The following HS6ST2 variants were observed in gnomAD, a reference collection of about 807,000 sequenced individuals.
HS6ST2 encodes the protein heparan-sulfate 6-O-sulfotransferase 2.
In HS6ST2, 17 loss-of-function variants were observed where a neutral mutation model predicts 33.0. The ratio of observed to expected loss-of-function variants is 0.52; its 90% confidence interval spans 0.35 to 0.77. The LOEUF is 0.77. HS6ST2 is among the 30% of genes least tolerant of loss of function. HS6ST2 has a pLI of 0.01. For synonymous variants in HS6ST2, 248 were observed against 237.1 expected (o/e 1.05, Z -0.42); for missense variants, 519 against 551.7 (o/e 0.94, Z 0.59).
At chrX:132,844,690 C>A (rs928365403) in intron 2 of HS6ST2, among the ~76,000 whole-genome samples, 1 of 111,428 alleles carries the variant, frequency 9.0e-6, no homozygotes, top group African/African-American at 3.3e-5. Context: ...TCAACACCCA[C>A]GGACCTGATG....
intron 2 of HS6ST2, among the ~76,000 whole-genome samples, chrX:132,858,557 C>T (rs927554665): frequency 1.8e-5 from 2 of 111,238 alleles, no homozygotes; most frequent in African/African-American, 6.5e-5. Flanking sequence ...CAATCCAGCA[C>T]GGTATGTGAT....
chrX:132,636,317 T>A (rs2063550835), intron 4 of HS6ST2, among the ~76,000 whole-genome samples: 1 of 111,931 alleles, frequency 8.9e-6, no homozygotes. Flanking sequence ...ATTTTATACC[T>A]GTAATGGAGC....
At chrX:132,945,572 A>T (rs1363233969) in intron 2 of HS6ST2, among the ~76,000 whole-genome samples, 1 of 110,748 alleles carries the variant, frequency 9.0e-6, no homozygotes, top group Non-Finnish European at 1.9e-5. Flanking sequence ...TTATTGCGGC[A>T]TTAGTCACAA....
At chrX:132,730,713 G>A (rs2064449145) in intron 2 of HS6ST2, among the ~76,000 whole-genome samples, 2 of 112,215 alleles carry the variant, frequency 1.8e-5, no homozygotes, top group Admixed American at 9.4e-5. Flanking sequence ...CACTCTGCTC[G>A]GAAGGGGTGA....
intron 3 of HS6ST2, among the ~76,000 whole-genome samples, chrX:132,692,288 T>C (rs1313442146): frequency 2.7e-5 from 3 of 111,174 alleles, no homozygotes; most frequent in Non-Finnish European, 3.8e-5. Context: ...ACACAGCCCT[T>C]AGGACTATCA....
chrX:132,871,750 A>G (rs2066060590), intron 2 of HS6ST2, among the ~76,000 whole-genome samples: 1 of 98,691 alleles, frequency 1.0e-5, no homozygotes, highest in African/African-American at 3.8e-5. Flanking sequence ...GGACTCAGGG[A>G]GGGGAACATA....
At chrX:132,777,386 C>T (rs11798632) in intron 2 of HS6ST2, among the ~76,000 whole-genome samples, 13,197 of 106,288 alleles carry the variant, frequency 0.12, 782 homozygotes, top group East Asian at 0.29. Flanking sequence ...ATGCATTTGG[C>T]TTTCTTCTAC....
chrX:132,859,580 G>A (rs2065888224), intron 2 of HS6ST2, among the ~76,000 whole-genome samples: 1 of 103,820 alleles, frequency 9.6e-6, no homozygotes, highest in African/African-American at 3.5e-5. Context: ...GAACTGCTTA[G>A]GAAAAGAAGA....
chrX:132,637,638 G>T (rs1261980463), intron 4 of HS6ST2, among the ~76,000 whole-genome samples: 1 of 99,002 alleles, frequency 1.0e-5, no homozygotes, highest in African/African-American at 3.7e-5. Context: ...TCATAGGAGT[G>T]ATCAATAAAA....
intron 2 of HS6ST2, among the ~76,000 whole-genome samples, chrX:132,945,625 A>G (rs1378473350): frequency 1.8e-5 from 2 of 110,497 alleles, no homozygotes; most frequent in African/African-American, 6.6e-5. Flanking sequence ...ATGATGACAG[A>G]CTGGATTAAG....
At chrX:132,676,662 A>T (rs2063925555) in intron 3 of HS6ST2, among the ~76,000 whole-genome samples, 1 of 111,088 alleles carries the variant, frequency 9.0e-6, no homozygotes, top group African/African-American at 3.3e-5. Context: ...GGTGGCAGGG[A>T]CCCCCAGAGT....
rs192442474 is a variant in HS6ST2, at chrX:132,774,904, C to G, written c.948-66410G>C. Among the ~76,000 whole-genome samples the G allele has an allele frequency of 3.6e-5, 4 of 110,675 alleles. No homozygotes were observed. In the East Asian group the frequency reaches 1.1e-3, roughly 32 times the overall value. Reference sequence around the variant, plus strand: ...CCATGTTGGCCAGGCTGGTCTCGAGCTTCTGACCTCAAGAGATCTTCCCAC... The same window carrying G: ...CCATGTTGGCCAGGCTGGTCTCGAGGTTCTGACCTCAAGAGATCTTCCCAC... On this transcript the variant is annotated intron_variant, in intron 2 of 4. Transcript: ENST00000370833.
intron 2 of HS6ST2, among the ~76,000 whole-genome samples, chrX:132,797,264 T>C (rs2065190385): frequency 9.0e-6 from 1 of 111,663 alleles, no homozygotes; most frequent in African/African-American, 3.3e-5. Flanking sequence ...ACGAAGTTGA[T>C]GGGAAGATGC....
chrX:132,712,264 C>G (rs1602600635), intron 2 of HS6ST2, among the ~76,000 whole-genome samples: 2 of 112,005 alleles, frequency 1.8e-5, no homozygotes, highest in African/African-American at 6.5e-5. Context: ...CTGGTCTTCA[C>G]CTACTCTATT....
intron 2 of HS6ST2, among the ~76,000 whole-genome samples, chrX:132,814,607 T>A (rs144873864): frequency 2.7e-3 from 302 of 111,513 alleles, no homozygotes; most frequent in African/African-American, 9.0e-3. Context: ...CCTCCCAGGA[T>A]CAAGCGATTC....
chrX:132,788,012 T>G (rs1257067697), intron 2 of HS6ST2, among the ~76,000 whole-genome samples: 1 of 112,201 alleles, frequency 8.9e-6, no homozygotes, highest in Non-Finnish European at 1.9e-5. Context: ...AAACTAACGA[T>G]AGGGTATTGA....
At chrX:132,954,710 G>A (rs375313892) in intron 2 of HS6ST2, among the ~76,000 whole-genome samples, 4 of 112,108 alleles carry the variant, frequency 3.6e-5, no homozygotes, top group East Asian at 5.6e-4. Context: ...TGCAAACACC[G>A]TAAAATCCAG....
At chrX:132,739,245 G>T (rs1374744557) in intron 2 of HS6ST2, among the ~76,000 whole-genome samples, 1 of 111,215 alleles carries the variant, frequency 9.0e-6, no homozygotes, top group Non-Finnish European at 1.9e-5. Context: ...AAGAGAGACT[G>T]CCTGAACCAG....
chrX:132,875,102 A>C (rs2066098043), intron 2 of HS6ST2, among the ~76,000 whole-genome samples: 1 of 111,918 alleles, frequency 8.9e-6, no homozygotes, highest in Admixed American at 9.5e-5. Context: ...CTATGAGGTA[A>C]GCAATGAAGC....
Sources: gnomAD v4.1 joint callset for allele counts (sites outside exome capture counted in the v4.1 genomes callset) on GRCh38, gnomAD v4.1.1 for gene constraint, MANE v1.5 for transcripts, NCBI Gene and HGNC (gene_info 2026-07-23, HGNC 2026-07-21) for gene names.